KLHL14: variants seen among roughly 807,000 people sequenced by gnomAD.
The protein encoded by KLHL14 is kelch like family member 14.
Under a neutral mutation model 64.3 loss-of-function variants are expected in KLHL14, and 22 were observed. The ratio of observed to expected loss-of-function variants is 0.34; its 90% CI spans 0.24 to 0.49. KLHL14 has a LOEUF of 0.49. KLHL14 is among the 20% of genes least tolerant of loss of function. The probability of loss-of-function intolerance (pLI) is 0.99; values close to 1 mark genes in which losing one functional copy is unlikely to be tolerated. For synonymous variants in KLHL14, 322 were observed against 333.4 expected, an observed-to-expected ratio of 0.97 and a Z score of 0.37; for missense variants, 661 against 789.0, an observed-to-expected ratio of 0.84 and a Z score of 1.94.
chr18:32,748,376 T>A (rs1598574979), intron 2 of KLHL14, among the ~76,000 whole-genome samples: 1 of 1,006 alleles, frequency 9.9e-4, no homozygotes. Context: ...TATTTTTTAA[T>A]TTTTTTTTTT....
At position 32,770,258 on chromosome 18, in the gene KLHL14, C is replaced by T; in HGVS notation, c.334G>A (p.Asp112Asn). The stretch of plus-strand genomic sequence containing the variant: ...CGGGGGCTGGTCAGCAGCTTGTCGT[C>T]GGGGGAGGAAGAAGGAGTCCCGGGC... The part of the protein sequence containing the change: ...EEPGTPSSSP[D>N]DKLLTSPRAI... The change falls in exon 2 of 9, where the codon GAC (aspartate) becomes AAC (asparagine). Residue 112 changes from aspartate (D) to asparagine (N), a missense_variant. Physicochemically the swap from Asp to Asn is conservative, Grantham distance 23. Coordinates refer to ENST00000359358, the MANE Select transcript of KLHL14 (RefSeq NM_020805.3). The surrounding 1 kb of genome is among the most constrained non-coding windows in gnomAD (Gnocchi z 6.7). The T allele has an allele frequency of 6.3e-7, 1 of 1,594,994 alleles. No homozygotes were observed. The highest frequency in any genetic ancestry group is 1.1e-5 in the South Asian group (1 of 87,874).
intron 2 of KLHL14, among the ~76,000 whole-genome samples, chr18:32,764,664 A>G (rs2050331340): frequency 6.6e-6 from 1 of 152,168 alleles, no homozygotes; most frequent in South Asian, 2.1e-4. Flanking sequence ...ATATTTCATG[A>G]TGTGAAAATT....
At chr18:32,686,177 ATTTTTTTTTTTTT>A (rs148393455) in intron 5 of KLHL14, among the ~76,000 whole-genome samples, 49 of 107,652 alleles carry the variant, frequency 4.6e-4, no homozygotes, top group African/African-American at 1.3e-3. Context: ...GTGCCCGGCT[ATTTTTTTTTTTTT>A]TTTTTTTTTT....
intron 2 of KLHL14, among the ~76,000 whole-genome samples, chr18:32,749,595 G>A (rs2050241340): frequency 6.6e-6 from 1 of 152,172 alleles, no homozygotes. Context: ...GAATGTCTCT[G>A]CATACTGAAG....
chr18:32,734,133 G>C (rs2050150966), intron 3 of KLHL14: 2 of 702,640 alleles, frequency 2.8e-6, no homozygotes, highest in Non-Finnish European at 5.2e-6. Flanking sequence ...ATGTCTAGTA[G>C]TATAATTATG....
chr18:32,674,850 G>A, intron 8 of KLHL14, 53 bp from the exon 9 acceptor site: 1 of 754,230 alleles, frequency 1.3e-6, no homozygotes, highest in Non-Finnish European at 2.5e-6. Context: ...GAAGTGCAAT[G>A]GCAATGTTAC....
At chr18:32,752,294 A>T (rs368209763) in intron 2 of KLHL14, among the ~76,000 whole-genome samples, 1 of 152,130 alleles carries the variant, frequency 6.6e-6, no homozygotes, top group Non-Finnish European at 1.5e-5. Context: ...TTCAAGGTTC[A>T]GTCAGTGGGG....
chr18:32,694,741 G>T (rs1179700342), intron 4 of KLHL14, among the ~76,000 whole-genome samples: 1 of 152,150 alleles, frequency 6.6e-6, no homozygotes, highest in Admixed American at 6.5e-5. Context: ...CTGTTTTATG[G>T]TTTCTCAGTC....
intron 4 of KLHL14, among the ~76,000 whole-genome samples, chr18:32,689,285 T>C (rs1202022662): frequency 2.0e-5 from 3 of 151,856 alleles, no homozygotes; most frequent in African/African-American, 4.8e-5. Context: ...GGAGAGTGTA[T>C]GAAAATGAAA....
intron 3 of KLHL14, among the ~76,000 whole-genome samples, chr18:32,703,353 A>G (rs904069855): frequency 6.6e-6 from 1 of 152,318 alleles, no homozygotes; most frequent in African/African-American, 2.4e-5. Context: ...GGTGGAAAAG[A>G]TTGTGATGGA....
At chr18:32,748,982 T>C (rs1176348085) in intron 2 of KLHL14, among the ~76,000 whole-genome samples, 2 of 152,256 alleles carry the variant, frequency 1.3e-5, no homozygotes, top group Non-Finnish European at 2.9e-5. Flanking sequence ...ATCATTATCC[T>C]CATCCTCATT....
intron 2 of KLHL14, chr18:32,743,359 C>T (rs1352685153): frequency 1.3e-5 from 2 of 152,160 alleles, no homozygotes; most frequent in Non-Finnish European, 2.9e-5. Context: ...TGGTTAAGAA[C>T]CTAACATTCG....
intron 3 of KLHL14, among the ~76,000 whole-genome samples, chr18:32,736,307 T>C (rs1489484666): frequency 6.6e-6 from 1 of 152,132 alleles, no homozygotes; most frequent in Non-Finnish European, 1.5e-5. Context: ...ATTCAAGATA[T>C]ATAGCAATGT....
intron 3 of KLHL14, among the ~76,000 whole-genome samples, chr18:32,739,666 A>G (rs990662100): frequency 3.3e-5 from 5 of 151,868 alleles, no homozygotes; most frequent in Admixed American, 6.6e-5. Context: ...ACACACACAC[A>G]CACACATTTA....
At chr18:32,693,413 C>CACAGAGAGAGAGAG (rs1229737083) in intron 4 of KLHL14, among the ~76,000 whole-genome samples, 71 of 97,022 alleles carry the variant, frequency 7.3e-4, no homozygotes, top group African/African-American at 3.3e-3. Flanking sequence ...CACACACACA[C>CACAGAGAGAGAGAG]AGAGAGAGAG....
intron 2 of KLHL14, chr18:32,744,974 A>T (rs1449338728): frequency 3.9e-5 from 6 of 152,258 alleles, no homozygotes; most frequent in Non-Finnish European, 7.3e-5. Flanking sequence ...AAGAGCAATG[A>T]AAGATTCCAC....
chr18:32,759,045 T>G (rs953089713), intron 2 of KLHL14, among the ~76,000 whole-genome samples: 1 of 152,188 alleles, frequency 6.6e-6, no homozygotes, highest in Admixed American at 6.5e-5. Flanking sequence ...CACACAACTC[T>G]GTGAATATAC....
intron 5 of KLHL14, 40 bp downstream of exon 5, chr18:32,687,115 G>A (rs1208478768): frequency 6.5e-7 from 1 of 1,529,206 alleles, no homozygotes. Context: ...CTCCTGTAAA[G>A]CCGTCACAAA....
intron 2 of KLHL14, among the ~76,000 whole-genome samples, chr18:32,749,231 A>G (rs1304375633): frequency 6.6e-6 from 1 of 152,210 alleles, no homozygotes; most frequent in African/African-American, 2.4e-5. Context: ...GATTTGATTG[A>G]AAACAACGAC....
Sources: gnomAD v4.1 joint callset for allele counts (sites outside exome capture counted in the v4.1 genomes callset) on GRCh38, gnomAD v4.1.1 for gene constraint, Gnocchi (gnomAD v3.1) non-coding constraint, MANE v1.5 for transcripts, NCBI Gene and HGNC (gene_info 2026-07-23, HGNC 2026-07-21) for gene names.